Variants in NRCAM observed in about 807,000 individuals in gnomAD.
The protein encoded by NRCAM is NgCAM-related cell adhesion molecule.
A neutral mutation model predicts 156.5 loss-of-function variants in NRCAM; 83 were observed. That is an observed-to-expected ratio of 0.53 (90% confidence interval 0.44 to 0.64). NRCAM has a LOEUF of 0.64. Among genes scored for constraint, NRCAM ranks in the 30% least tolerant of loss-of-function variants. The probability of loss-of-function intolerance (pLI) is 0.00; values close to 1 mark genes in which losing one functional copy is unlikely to be tolerated. For missense variants in NRCAM, 1,417 were observed against 1,597.3 expected (o/e 0.89, Z 1.92); for synonymous variants, 538 against 563.9 (o/e 0.95, Z 0.65).
intron 2 of NRCAM, among the ~76,000 whole-genome samples, chr7:108,327,814 G>C (rs1178896495): frequency 6.6e-6 from 1 of 152,118 alleles, no homozygotes; most frequent in Non-Finnish European, 1.5e-5. Context: ...AGTGCCGAGG[G>C]AATGACAGTA....
chr7:108,276,547 G>A (rs989018219), intron 3 of NRCAM, among the ~76,000 whole-genome samples: 7 of 151,726 alleles, frequency 4.6e-5, no homozygotes, highest in African/African-American at 1.7e-4. Context: ...CAGAGACTAA[G>A]ATTGTAACTC....
At position 108,456,323 on chromosome 7, in the gene NRCAM, A is replaced by C. The variant is rs1331297202; in HGVS notation, c.-412T>G. On this transcript the variant is annotated 5_prime_UTR_variant, in exon 1 of 33. Coordinates refer to ENST00000379028, the MANE Select transcript of NRCAM (RefSeq NM_001037132.4). The stretch of plus-strand genomic sequence containing the variant: ...CGCCGGTGTCCTCCGTTCTCGACGA[A>C]GCTATCCCCTCTGGCTGCTCCAGCC... 6.6e-6 allele frequency: 1 copy of C among 151,692 alleles called. No homozygotes were observed. Among genetic ancestry groups the C allele is most frequent in the Non-Finnish European group, 1.5e-5 (1 of 67,968 alleles). 9.4% of individuals were successfully genotyped at this position (151,692 alleles called of 1,614,324 possible).
At chr7:108,332,606 C>A (rs1180907644) in intron 2 of NRCAM, among the ~76,000 whole-genome samples, 3 of 152,022 alleles carry the variant, frequency 2.0e-5, no homozygotes, top group African/African-American at 7.3e-5. Flanking sequence ...AAAAAGAATC[C>A]CTGTGAATGA....
chr7:108,444,213 G>A (rs1034828), intron 1 of NRCAM, among the ~76,000 whole-genome samples: 1,966 of 152,138 alleles, frequency 0.013, 38 homozygotes, highest in African/African-American at 0.045. Flanking sequence ...TAGGTTATAC[G>A]CAAATACTAC....
At chr7:108,431,835 T>C (rs896567001) in intron 1 of NRCAM, among the ~76,000 whole-genome samples, 1 of 152,104 alleles carries the variant, frequency 6.6e-6, no homozygotes, top group Non-Finnish European at 1.5e-5. Flanking sequence ...TAACCCAAAA[T>C]GGGACAAGGC....
chr7:108,247,454 T>A (rs2096019616), intron 3 of NRCAM, among the ~76,000 whole-genome samples: 1 of 152,188 alleles, frequency 6.6e-6, no homozygotes, highest in Non-Finnish European at 1.5e-5. Flanking sequence ...GATACTTCTC[T>A]ATATATATGT....
chr7:108,196,777 A>G (rs449711), intron 14 of NRCAM, among the ~76,000 whole-genome samples: 121,561 of 152,096 alleles, frequency 0.8, 48,707 homozygotes, highest in East Asian at 0.88. Context: ...TATAAAGATT[A>G]TTTATACTGT....
chr7:108,288,967 G>A (rs1197252241), intron 3 of NRCAM, among the ~76,000 whole-genome samples: 3 of 152,052 alleles, frequency 2.0e-5, no homozygotes, highest in Non-Finnish European at 2.9e-5. Context: ...TTCTGAGGGT[G>A]GGGTAGGGGG....
chr7:108,223,016 C>T (rs771033176), intron 11 of NRCAM, among the ~76,000 whole-genome samples: 8 of 152,168 alleles, frequency 5.3e-5, no homozygotes, highest in Non-Finnish European at 1.2e-4. Context: ...AGAATCTAGG[C>T]TTGGCCTTGT....
chr7:108,455,766 G>C (rs1479350840), intron 1 of NRCAM, among the ~76,000 whole-genome samples: 1 of 152,144 alleles, frequency 6.6e-6, no homozygotes, highest in African/African-American at 2.4e-5. Flanking sequence ...CTCCCGGCCC[G>C]GCCCCCGCGC....
intron 1 of NRCAM, among the ~76,000 whole-genome samples, chr7:108,449,994 A>G (rs1212840716): frequency 3.9e-5 from 6 of 152,010 alleles, no homozygotes; most frequent in African/African-American, 1.5e-4. Flanking sequence ...CAACATATAT[A>G]TATTCAAAAT....
At chr7:108,198,966 G>C (rs191126947) in intron 13 of NRCAM, among the ~76,000 whole-genome samples, 1 of 152,314 alleles carries the variant, frequency 6.6e-6, no homozygotes, top group East Asian at 1.9e-4. Context: ...TGTGAGATTG[G>C]AGATGAATTC....
At chr7:108,342,607 C>T (rs1170869130) in intron 2 of NRCAM, among the ~76,000 whole-genome samples, 1 of 152,222 alleles carries the variant, frequency 6.6e-6, no homozygotes, top group African/African-American at 2.4e-5. Context: ...GCCAACGGGG[C>T]AAGACTTTCC....
Position 108,234,583 on chromosome 7 carries a change from C to T in NRCAM, c.230G>A (p.Ser77Asn). Residue 77 changes from serine to asparagine, a missense_variant and splice_region_variant, in exon 6 of 33, where the codon AGC becomes AAC. Physicochemically the swap from Ser to Asn is conservative, Grantham distance 46. Around this residue, in one of 2 missense-constraint regions of NRCAM, gnomAD observed 1,238 missense variants for 1,336.4 expected, o/e 0.93. Coordinates refer to ENST00000379028, the MANE Select transcript of NRCAM (RefSeq NM_001037132.4). The part of the protein sequence containing the change: ...QCEAKGKPPP[S>N]FSWTRNGTHF... ...ATAACAAAGCAGAATGCACACTCAC[C>T]TTGGGGGCGGTTTCCCTTTGGCTTC... 1 of 1,579,786 alleles carries T rather than the reference C, an allele frequency of 6.3e-7. No homozygotes were observed. The highest frequency in any genetic ancestry group is 8.7e-7 in the Non-Finnish European group (1 of 1,149,928).
chr7:108,327,562 C>T (rs955160843), intron 2 of NRCAM, among the ~76,000 whole-genome samples: 1 of 151,980 alleles, frequency 6.6e-6, no homozygotes, highest in South Asian at 2.1e-4. Context: ...TAGCTTGAAA[C>T]CAAATTGCAT....
chr7:108,368,237 C>CCCT (rs2099605833), intron 2 of NRCAM, among the ~76,000 whole-genome samples: 2 of 127,952 alleles, frequency 1.6e-5, no homozygotes, highest in Non-Finnish European at 3.3e-5. Flanking sequence ...CCCCCCCACC[C>CCCT]CCCCGCCTGC....
chr7:108,265,474 C>T (rs1029268429), intron 3 of NRCAM, among the ~76,000 whole-genome samples: 1 of 152,204 alleles, frequency 6.6e-6, no homozygotes, highest in African/African-American at 2.4e-5. Context: ...CTTTCTCCAT[C>T]ATCTCCTGGG....
intron 1 of NRCAM, among the ~76,000 whole-genome samples, chr7:108,454,925 G>A (rs1342745104): frequency 1.3e-5 from 2 of 152,296 alleles, no homozygotes; most frequent in East Asian, 3.9e-4. Context: ...AAGGGCTGGA[G>A]CCCCTGATGC....
At chr7:108,160,233 A>G in intron 31 of NRCAM, 128 bp downstream of exon 31, 1 of 850,304 alleles carries the variant, frequency 1.2e-6, no homozygotes, top group Non-Finnish European at 1.8e-6. Flanking sequence ...AGTCATTTGA[A>G]GAGAAAGTCC....
Sources: allele counts gnomAD v4.1 joint callset (sites outside exome capture counted in the v4.1 genomes callset), GRCh38; gene constraint gnomAD v4.1.1; regional missense constraint gnomAD v4.1.1; transcripts MANE v1.5; gene names NCBI Gene and HGNC (gene_info 2026-07-23, HGNC 2026-07-21).